PREX1: variants seen among roughly 807,000 people sequenced by gnomAD.
PREX1 encodes the protein phosphatidylinositol-3,4,5-trisphosphate dependent Rac exchange factor 1.
A neutral mutation model predicts 198.3 loss-of-function variants in PREX1; 41 were observed. That is an observed-to-expected ratio of 0.21 (90% CI 0.16 to 0.27). The LOEUF is 0.27. PREX1 is among the 10% of genes least tolerant of loss of function. The pLI is 1.00. For missense variants in PREX1, 1,620 were observed against 2,200.7 expected (o/e 0.74, Z 5.28); for synonymous variants, 843 against 887.2 (o/e 0.95, Z 0.89).
rs570120970 is a variant in PREX1 at position 48,633,987 on chromosome 20, T to TTGGA, written c.4267+685_4267+688dup. Among the ~76,000 whole-genome samples, 697 of 150,472 alleles carry TTGGA rather than the reference T, an allele frequency of 4.6e-3. 4 individuals carry two copies. The highest frequency in any genetic ancestry group is 6.9e-3 in the Middle Eastern group (2 of 290). ...GGATGGATGGACGGATGGATGATGGTTGGATGGATGGATGGATGGATGGAC... is the reference window on the plus strand; with the variant it reads ...GGATGGATGGACGGATGGATGATGGTTGGATGGATGGATGGATGGATGGATGGAC... On this transcript the variant is annotated intron_variant, in intron 33 of 39. Transcript: ENST00000371941.
upstream of PREX1, among the ~76,000 whole-genome samples, chr20:48,832,522 A>C (rs1170563562): frequency 6.6e-6 from 1 of 152,206 alleles, no homozygotes; most frequent in Non-Finnish European, 1.5e-5. Context: ...AGTTCTCAAA[A>C]GTCAGACCAG....
Position 48,752,502 on chromosome 20 carries a change from T to C in PREX1, c.220-4622A>G, listed in dbSNP as rs552218824. Among the ~76,000 whole-genome samples, 4 of 152,266 alleles carry C rather than the reference T, an allele frequency of 2.6e-5. No individual in the cohort carries two copies. In the South Asian group the frequency reaches 8.3e-4, roughly 32 times the overall value. ...TCTTGGCCTGAAGACCCCGCTCTCATGTGCAGGGCAGGCCAGAGGTGCGGA... is the reference window on the plus strand; with the variant it reads ...TCTTGGCCTGAAGACCCCGCTCTCACGTGCAGGGCAGGCCAGAGGTGCGGA... On this transcript the variant is annotated intron_variant, in intron 1 of 39. Transcript: ENST00000371941.
intron 15 of PREX1, among the ~76,000 whole-genome samples, chr20:48,661,554 T>TAC (rs1416660745): frequency 9.5e-5 from 13 of 136,536 alleles, no homozygotes; most frequent in African/African-American, 1.1e-4. Flanking sequence ...TATATATATA[T>TAC]ATACACACAC....
rs763898228 is a variant in PREX1, at chr20:48,659,961, G to A, written c.1839C>T (p.Asn613=). The A allele has an allele frequency of 1.7e-5, 27 of 1,614,114 alleles. No individual in the cohort carries two copies. Among genetic ancestry groups the A allele is most frequent in the Middle Eastern group, 1.6e-4 (1 of 6,082 alleles). Residue 613 remains asparagine, a synonymous_variant, in exon 16 of 40, where the codon AAC becomes AAT. Transcript: ENST00000371941. Reference sequence around the variant, plus strand: ...GAATGTTCTCCACCAGCTTGAAGTCGTTGCGAAGCTGTTTGTTCTTGCTGC... The same window carrying A: ...GAATGTTCTCCACCAGCTTGAAGTCATTGCGAAGCTGTTTGTTCTTGCTGC... ...GTSSKNKQLR[N]DFKLVENILA...
chr20:48,669,451 G>A (rs541835646), intron 14 of PREX1, among the ~76,000 whole-genome samples: 14 of 152,260 alleles, frequency 9.2e-5, no homozygotes, highest in East Asian at 3.9e-4. Context: ...GTTGCCCACC[G>A]GGTATAAGCT....
At chr20:48,870,721 G>A in the PREX1 span, among the ~76,000 whole-genome samples, 1 of 151,666 alleles carries the variant, frequency 6.6e-6, no homozygotes. Flanking sequence ...GCCAAAGCAG[G>A]CAGGTCACTT....
chr20:48,644,487 T>G lies in PREX1; in HGVS notation c.3523A>C (p.Ser1175Arg). 2 of 1,613,580 alleles carry G rather than the reference T, an allele frequency of 1.2e-6. No individual in the cohort carries two copies. Among genetic ancestry groups the G allele is most frequent in the Non-Finnish European group, 1.7e-6 (2 of 1,179,684 alleles). Reference protein sequence around the residue: ...SYRDSYSECNSNRDSVLSYTS... With the variant: ...SYRDSYSECNRNRDSVLSYTS... ...TAGGACAGGACCGAGTCTCGATTGC[T>G]GTTACACTCGCTGCAAAGGGGCCCA... Residue 1175 changes from serine (S) to arginine (R), a missense_variant, in exon 27 of 40, where the codon AGC becomes CGC. Physicochemically the swap from Ser to Arg is moderately radical, Grantham distance 110. Coordinates refer to ENST00000371941, the MANE Select transcript of PREX1 (RefSeq NM_020820.4).
chr20:48,658,236 C>A lies in PREX1; in HGVS notation c.1882-8G>T, dbSNP rs747370508. The A allele has an allele frequency of 5.6e-6, 9 of 1,613,398 alleles. No homozygotes were observed. Among genetic ancestry groups the A allele is most frequent in the Non-Finnish European group, 7.6e-6 (9 of 1,179,700 alleles). On this transcript the variant is annotated splice_polypyrimidine_tract_variant and splice_region_variant and intron_variant, in intron 16 of 39. Coordinates refer to ENST00000371941, the MANE Select transcript of PREX1 (RefSeq NM_020820.4). ...CTCCTCCTGGGGCAGGATCTGGGGG[C>A]CCAGGGCAGAAGGAACCCGGTCAGG...
At chr20:48,735,906 A>C (rs1430801573) in intron 3 of PREX1, among the ~76,000 whole-genome samples, 1 of 152,054 alleles carries the variant, frequency 6.6e-6, no homozygotes, top group Admixed American at 6.6e-5. Context: ...TCAAGCCACA[A>C]ATCTAGACTA....
the PREX1 span, among the ~76,000 whole-genome samples, chr20:48,885,090 T>C: frequency 1.3e-5 from 2 of 152,186 alleles, no homozygotes; most frequent in African/African-American, 4.8e-5. Context: ...ATAAATATAG[T>C]AGTACCACTT....
intron 1 of PREX1, among the ~76,000 whole-genome samples, chr20:48,797,982 T>C (rs957083589): frequency 3.3e-5 from 5 of 152,176 alleles, no homozygotes; most frequent in African/African-American, 1.2e-4. Flanking sequence ...CTTAATCTCT[T>C]CTCTAGCTTT....
intron 1 of PREX1, among the ~76,000 whole-genome samples, chr20:48,751,161 G>C (rs964005494): frequency 6.6e-6 from 1 of 152,210 alleles, no homozygotes; most frequent in South Asian, 2.1e-4. Flanking sequence ...CTCGACTCAG[G>C]CTCCTTGGAA....
At chr20:48,725,858 C>T (rs1351096475) in intron 5 of PREX1, among the ~76,000 whole-genome samples, 4 of 152,200 alleles carry the variant, frequency 2.6e-5, no homozygotes, top group Non-Finnish European at 4.4e-5. Flanking sequence ...GGGTAAAGCA[C>T]GGGTCTAAGC....
At chr20:48,663,930 G>A (rs1036092513) in intron 15 of PREX1, among the ~76,000 whole-genome samples, 25 of 148,064 alleles carry the variant, frequency 1.7e-4, no homozygotes, top group African/African-American at 6.0e-4. Context: ...ACACACACAC[G>A]GGACTGTTAT....
At chr20:48,675,963 G>A (rs894867693) in intron 14 of PREX1, among the ~76,000 whole-genome samples, 2 of 151,938 alleles carry the variant, frequency 1.3e-5, no homozygotes, top group African/African-American at 4.8e-5. Context: ...CTTGAACCTG[G>A]GAGGCGGAGG....
the PREX1 span, among the ~76,000 whole-genome samples, chr20:48,878,604 C>A: frequency 6.6e-6 from 1 of 152,196 alleles, no homozygotes; most frequent in South Asian, 2.1e-4. Flanking sequence ...TCCCAAAGTG[C>A]TGGGATTATA....
intron 1 of PREX1, among the ~76,000 whole-genome samples, chr20:48,778,309 C>T (rs1191659092): frequency 1.2e-4 from 19 of 152,008 alleles, no homozygotes; most frequent in Admixed American, 1.1e-3. Flanking sequence ...CACAGTGGCT[C>T]ATGCCTGTAA....
rs2089644170 is a variant in PREX1 at position 48,666,818 on chromosome 20, C to A, written c.1666-463G>T. On this transcript the variant is annotated intron_variant, in intron 14 of 39. Coordinates refer to ENST00000371941, the MANE Select transcript of PREX1 (RefSeq NM_020820.4). The surrounding 1 kb of genome is among the most constrained non-coding windows in gnomAD (Gnocchi z 4.3). ...GGAATTACAGGCATGAGCCACCACG[C>A]CTGGCCCCATTTGTGATTATTATTA... Among the ~76,000 whole-genome samples, 1 of 152,212 alleles carries A rather than the reference C, an allele frequency of 6.6e-6. No homozygotes were observed. Among genetic ancestry groups the A allele is most frequent in the South Asian group, 2.1e-4 (1 of 4,830 alleles).
rs1279955605 is a variant in PREX1 at position 48,666,223 on chromosome 20, C to G, written c.1738+60G>C. The G allele has an allele frequency of 5.4e-6, 8 of 1,492,650 alleles. No individual in the cohort carries two copies. The highest frequency in any genetic ancestry group is 7.3e-6 in the Non-Finnish European group (8 of 1,101,124). The allele number at this position is 1,492,650 out of a possible 1,614,324, so 92.5% of individuals were successfully genotyped here. ...TGGCTTCAGTCCTCCCATACTCCCC[C>G]AAACCATCAGCTCCAGGGAGCAAGG... On this transcript the variant is annotated intron_variant, in intron 15 of 39. Transcript: ENST00000371941. The surrounding 1 kb of genome is among the most constrained non-coding windows in gnomAD (Gnocchi z 4.3).
Sources: allele counts gnomAD v4.1 joint callset (sites outside exome capture counted in the v4.1 genomes callset), GRCh38; gene constraint gnomAD v4.1.1; non-coding constraint Gnocchi (gnomAD v3.1); transcripts MANE v1.5; gene names NCBI Gene and HGNC (gene_info 2026-07-23, HGNC 2026-07-21).